CCT5: variants seen among roughly 807,000 people sequenced by gnomAD.
The protein encoded by CCT5 is chaperonin containing TCP1 subunit 5.
Under a neutral mutation model 55.0 loss-of-function variants are expected in CCT5, and 6 were observed. The observed-to-expected ratio is 0.11, with a 90% CI of 0.06 to 0.22. CCT5 has a LOEUF of 0.22. Ranked by LOEUF, CCT5 falls within the 10% of genes least tolerant of loss-of-function variation. The probability of loss-of-function intolerance (pLI) is 1.00; values close to 1 mark genes in which losing one functional copy is unlikely to be tolerated. For synonymous variants in CCT5, 231 were observed against 243.7 expected (o/e 0.95, Z 0.49); for missense variants, 560 against 694.6 (o/e 0.81, Z 2.18).
chr5:10,252,635 G>T (rs186784160), intron 1 of CCT5, among the ~76,000 whole-genome samples: 1 of 144,300 alleles, frequency 6.9e-6, no homozygotes, highest in African/African-American at 2.5e-5. Flanking sequence ...AAAAAAAGGT[G>T]CAGGCATTAG....
chr5:10,250,749 C>A, intron 1 of CCT5: 1 of 1,239,956 alleles, frequency 8.1e-7, no homozygotes, highest in Non-Finnish European at 1.0e-6. Flanking sequence ...CGCCCGGCTC[C>A]TCCAGCCTGA....
Position 10,250,455 on chromosome 5 carries a change from C to G in CCT5, c.105+10C>G. 1 of 1,612,412 alleles carries G rather than the reference C, an allele frequency of 6.2e-7. No homozygotes were observed. Among genetic ancestry groups the G allele is most frequent in the African/African-American group, 1.3e-5 (1 of 75,016 alleles). ...ACTTGAGGCCCTCAAGGTAATGGCA[C>G]AGGGACCTGCTCGCGGTGGGCTAAG... is the stretch of plus-strand genomic sequence containing the variant. On this transcript the variant is annotated intron_variant, in intron 1 of 10. Transcript: ENST00000280326.
At chr5:10,249,970 G>A (rs773294738), upstream of CCT5, 24 of 1,530,448 alleles carry the variant, frequency 1.6e-5, no homozygotes, top group Non-Finnish European at 1.9e-5. Flanking sequence ...CGGAGCCGGA[G>A]TGCGAAGAAA....
chr5:10,256,866 C>G (rs1231661718), intron 4 of CCT5, among the ~76,000 whole-genome samples: 3 of 152,142 alleles, frequency 2.0e-5, no homozygotes, highest in Non-Finnish European at 4.4e-5. Context: ...CGACTTGTCT[C>G]TGGTGTTTTC....
chr5:10,256,189 A>G, intron 4 of CCT5, 36 bp downstream of exon 4: 1 of 1,566,030 alleles, frequency 6.4e-7, no homozygotes, highest in Non-Finnish European at 8.7e-7. Context: ...ACCCATTTGT[A>G]GAGGAGGCAG....
Position 10,265,817 on chromosome 5 carries a change from AAT to A in CCT5, c.*1035_*1036del, listed in dbSNP as rs1177139259. On this transcript the variant is annotated 3_prime_UTR_variant, in exon 11 of 11. Coordinates refer to ENST00000280326, the MANE Select transcript of CCT5 (RefSeq NM_012073.5). The stretch of plus-strand genomic sequence containing the variant: ...AATGATTCTCTAGATTTTCTAAAAT[AAT>A]GTTTCTTAGCATTGTGATGATAAAG... The A allele has an allele frequency of 6.6e-6, 1 of 152,130 alleles. No individual in the cohort carries two copies. The highest frequency in any genetic ancestry group is 2.4e-5 in the African/African-American group (1 of 41,420). 9.4% of individuals were successfully genotyped at this position (152,130 alleles called of 1,614,324 possible). A position where few individuals can be genotyped will look rare whatever the true frequency, so the allele number is the denominator to read the frequency against.
At chr5:10,257,527 A>C (rs1254629222) in intron 4 of CCT5, among the ~76,000 whole-genome samples, 3 of 152,206 alleles carry the variant, frequency 2.0e-5, no homozygotes, top group Non-Finnish European at 4.4e-5. Context: ...AGGTTTCCCT[A>C]GTTGTTTTTC....
rs200884234 is a variant in CCT5 at position 10,255,208 on chromosome 5, CCTT to C, written c.331+376_331+378del. On this transcript the variant is annotated intron_variant, in intron 3 of 10. Coordinates refer to ENST00000280326, the MANE Select transcript of CCT5 (RefSeq NM_012073.5). The stretch of plus-strand genomic sequence containing the variant: ...ATATTGCAGATGTGTAGGAGAATGC[CCTT>C]CTTCTCAGCTGTATACCTAAATACT... 4.8e-3 allele frequency among the ~76,000 whole-genome samples: 724 copies of C among 152,234 alleles called. 6 individuals are homozygous for C. The highest frequency in any genetic ancestry group is 0.017 in the African/African-American group (695 of 41,536).
intron 1 of CCT5, among the ~76,000 whole-genome samples, chr5:10,251,563 C>G (rs78656230): frequency 0.048 from 7,233 of 152,204 alleles, 237 homozygotes; most frequent in African/African-American, 0.09. Flanking sequence ...AAGTTAGAAA[C>G]AATACAGTTC....
chr5:10,262,690 AGC>A, intron 9 of CCT5, 72 bp downstream of exon 9: 1 of 1,543,742 alleles, frequency 6.5e-7, no homozygotes, highest in Non-Finnish European at 8.9e-7. Flanking sequence ...GCTGCGGAAC[AGC>A]GAGGTGCTGG....
rs150970385 is a variant in CCT5 at position 10,254,807 on chromosome 5, T to C, written c.300T>C (p.Asp100=). The change falls in exon 3 of 11, where the codon GAT becomes GAC. Residue 100 remains aspartate (D), a synonymous_variant. Coordinates refer to ENST00000280326, the MANE Select transcript of CCT5 (RefSeq NM_012073.5). ...TGGAACTGTCCAAGTCTCAGGATGATGAAATTGGAGATGGAACCACAGGAG... is the reference window on the plus strand; with the variant it reads ...TGGAACTGTCCAAGTCTCAGGATGACGAAATTGGAGATGGAACCACAGGAG... ...LMVELSKSQD[D]EIGDGTTGVV... The C allele has an allele frequency of 2.2e-5, 35 of 1,613,976 alleles. No homozygotes were observed. The African/African-American group carries it at 4.4e-4, about 20-fold the overall frequency.
intron 3 of CCT5, 115 bp from the exon 4 acceptor site, chr5:10,255,840 G>A: frequency 1.1e-6 from 1 of 913,062 alleles, no homozygotes; most frequent in Non-Finnish European, 1.7e-6. Flanking sequence ...AAGATGACTT[G>A]CAGCTTAATT....
rs769470413 is a variant in CCT5, at chr5:10,261,543, C to T, written c.994-17C>T. 1.9e-6 allele frequency: 3 copies of T among 1,613,246 alleles called. No individual in the cohort carries two copies. The highest frequency in any genetic ancestry group is 2.5e-6 in the Non-Finnish European group (3 of 1,179,542). On this transcript the variant is annotated splice_polypyrimidine_tract_variant and intron_variant, in intron 7 of 10. Coordinates refer to ENST00000280326, the MANE Select transcript of CCT5 (RefSeq NM_012073.5). ...ACCAGTACTGTCTTCATCCTTCTCC[C>T]TGACCACCCCAATTAGCTGATTGCC...
In CCT5 at chr5:10,265,002, C is replaced by G; in HGVS notation, c.*219C>G. 1.9e-6 allele frequency: 1 copy of G among 534,996 alleles called. No homozygotes were observed. Among genetic ancestry groups the G allele is most frequent in the Non-Finnish European group, 3.3e-6 (1 of 304,516 alleles). 33.1% of individuals were successfully genotyped at this position (534,996 alleles called of 1,614,324 possible). On this transcript the variant is annotated 3_prime_UTR_variant, in exon 11 of 11. Transcript: ENST00000280326. Reference sequence around the variant, plus strand: ...TTTGTATTCATTGTATTAAAAGAATCTGTTTAAACAACCTTTATCTTCTCT... The same window carrying G: ...TTTGTATTCATTGTATTAAAAGAATGTGTTTAAACAACCTTTATCTTCTCT...
chr5:10,254,848 G>A lies in CCT5; in HGVS notation c.331+10G>A. 6.2e-7 allele frequency: 1 copy of A among 1,611,400 alleles called. No homozygotes were observed. Among genetic ancestry groups the A allele is most frequent in the South Asian group, 1.1e-5 (1 of 91,022 alleles). On this transcript the variant is annotated intron_variant, in intron 3 of 10. Coordinates refer to ENST00000280326, the MANE Select transcript of CCT5 (RefSeq NM_012073.5). ...ACCACAGGAGTGGTTGGTAAGAAAA[G>A]ACAAAACATCCTTTCTCATTTAAGA...
At chr5:10,262,026 G>C in intron 8 of CCT5, 1 of 427,610 alleles carries the variant, frequency 2.3e-6, no homozygotes, top group Non-Finnish European at 4.3e-6. Flanking sequence ...TCAAGTCCTG[G>C]ATTTTAGAAT....
In CCT5 at chr5:10,258,484, T is replaced by C. The variant is rs1196703653; in HGVS notation, c.822T>C (p.Tyr274=). 1 of 1,613,930 alleles carries C rather than the reference T, an allele frequency of 6.2e-7. No homozygotes were observed. Among genetic ancestry groups the C allele is most frequent in the Non-Finnish European group, 8.5e-7 (1 of 1,179,932 alleles). ...TGGATGTGACCTCTGTCGAAGATTA[T>C]AAAGCCCTTCAGAAATACGAAAAGG... ...HKLDVTSVED[Y]KALQKYEKEK... is the part of the protein sequence containing the mutation. Residue 274 remains tyrosine, a synonymous_variant, in exon 6 of 11, where the codon TAT becomes TAC. Transcript: ENST00000280326.
chr5:10,257,021 C>G (rs537296462), intron 4 of CCT5, among the ~76,000 whole-genome samples: 23 of 152,032 alleles, frequency 1.5e-4, no homozygotes, highest in African/African-American at 4.8e-4. Context: ...GGTCTGTTGC[C>G]GTAATATAAC....
chr5:10,253,756 G>A (rs1160874176), intron 1 of CCT5, among the ~76,000 whole-genome samples: 2 of 152,188 alleles, frequency 1.3e-5, no homozygotes, highest in East Asian at 3.8e-4. Flanking sequence ...TGGATGCTCA[G>A]GGAGAACTGT....
Sources: allele counts gnomAD v4.1 joint callset (sites outside exome capture counted in the v4.1 genomes callset), GRCh38; gene constraint gnomAD v4.1.1; transcripts MANE v1.5; gene names NCBI Gene and HGNC (gene_info 2026-07-23, HGNC 2026-07-21).